KLF12: variants seen among roughly 807,000 people sequenced by gnomAD.
KLF12 encodes KLF transcription factor 12.
KLF12 carries 9 observed loss-of-function variants against 37.8 expected under a neutral mutation model. The ratio of observed to expected loss-of-function variants is 0.24; its 90% CI spans 0.14 to 0.42. KLF12 has a LOEUF of 0.42. KLF12 is among the 10% of genes least tolerant of loss of function. The probability of loss-of-function intolerance (pLI) is 1.00; values close to 1 mark genes in which losing one functional copy is unlikely to be tolerated. For missense variants in KLF12, 411 were observed against 516.0 expected (o/e 0.80, Z 1.97); for synonymous variants, 208 against 202.1 (o/e 1.03, Z -0.25).
At chr13:73,759,799 G>C (rs1013133165) in intron 6 of KLF12, among the ~76,000 whole-genome samples, 2 of 151,988 alleles carry the variant, frequency 1.3e-5, no homozygotes, top group African/African-American at 2.4e-5. Context: ...CCTTGAAGTT[G>C]GTAATTTGGA....
At chr13:73,712,678 T>G (rs189601328) in intron 7 of KLF12, among the ~76,000 whole-genome samples, 118 of 152,284 alleles carry the variant, frequency 7.7e-4, no homozygotes, top group African/African-American at 2.4e-3. Flanking sequence ...TGTGGCAAAC[T>G]TTATTGCTGT....
the KLF12 span, among the ~76,000 whole-genome samples, chr13:74,234,676 A>G: frequency 2.7e-4 from 41 of 152,250 alleles, no homozygotes; most frequent in East Asian, 4.4e-3. Context: ...GGCTATACAT[A>G]CATTTGGAGA....
In KLF12 at chr13:74,018,705, C is replaced by T. The variant is rs866668550; in HGVS notation, c.-31-23652G>A. Among the ~76,000 whole-genome samples, 16 of 152,192 alleles carry T rather than the reference C, an allele frequency of 1.1e-4. No homozygotes were observed. The Middle Eastern group carries it at 0.01, about 97-fold the overall frequency. ...ATGAATTATTCACTAAGGGGGTGCTCACTACTGTTGAAAAAGTATACAAAA... is the reference window on the plus strand; with the variant it reads ...ATGAATTATTCACTAAGGGGGTGCTTACTACTGTTGAAAAAGTATACAAAA... On this transcript the variant is annotated intron_variant, in intron 1 of 7. Coordinates refer to ENST00000377669, the MANE Select transcript of KLF12 (RefSeq NM_007249.5).
At chr13:73,844,321 T>C (rs923428593) in intron 4 of KLF12, among the ~76,000 whole-genome samples, 3 of 152,198 alleles carry the variant, frequency 2.0e-5, no homozygotes, top group African/African-American at 7.2e-5. Context: ...ATCTGATTTG[T>C]TCAGTTCAAT....
At chr13:74,175,770 A>T in the KLF12 span, among the ~76,000 whole-genome samples, 4 of 152,218 alleles carry the variant, frequency 2.6e-5, no homozygotes, top group African/African-American at 9.6e-5. Context: ...GAGGGCTAAC[A>T]TTAGCTGTCC....
chr13:74,036,976 C>T (rs2138514931), intron 1 of KLF12, among the ~76,000 whole-genome samples: 1 of 152,218 alleles, frequency 6.6e-6, no homozygotes, highest in African/African-American at 2.4e-5. Context: ...GAGGCCGAGG[C>T]AGGTGGATCA....
intron 2 of KLF12, among the ~76,000 whole-genome samples, chr13:73,990,827 T>C (rs1891949129): frequency 6.6e-6 from 1 of 152,184 alleles, no homozygotes; most frequent in Non-Finnish European, 1.5e-5. Flanking sequence ...AAAAATATTC[T>C]TTGTAAGAGA....
At chr13:73,766,413 T>G (rs1879917343) in intron 5 of KLF12, among the ~76,000 whole-genome samples, 1 of 152,182 alleles carries the variant, frequency 6.6e-6, no homozygotes, top group Non-Finnish European at 1.5e-5. Context: ...GCAATAATAG[T>G]ACATAAAAAT....
chr13:74,298,097 A>G, the KLF12 span, among the ~76,000 whole-genome samples: 2 of 152,240 alleles, frequency 1.3e-5, no homozygotes, highest in African/African-American at 4.8e-5. Context: ...CTATTCTGGT[A>G]GCAGAGTCAA....
rs141943243 is a variant in KLF12 at position 73,829,275 on chromosome 13, A to G, written c.671-15988T>C. On this transcript the variant is annotated intron_variant, in intron 4 of 7. Transcript: ENST00000377669. ...CTGAAAAATTGGAGATTAAAATTTAAAAAAGAAATCTTAATTTTTGAATCT... is the reference window on the plus strand; with the variant it reads ...CTGAAAAATTGGAGATTAAAATTTAGAAAAGAAATCTTAATTTTTGAATCT... Among the ~76,000 whole-genome samples the G allele has an allele frequency of 2.4e-3, 359 of 152,342 alleles. 3 individuals are homozygous for G. Among genetic ancestry groups the G allele is most frequent in the African/African-American group, 8.0e-3 (334 of 41,574 alleles).
intron 3 of KLF12, among the ~76,000 whole-genome samples, chr13:73,873,593 T>A (rs767075363): frequency 3.9e-4 from 59 of 152,188 alleles, no homozygotes; most frequent in Non-Finnish European, 7.8e-4. Flanking sequence ...TTTCTCTGTG[T>A]TTATATTGGT....
the KLF12 span, among the ~76,000 whole-genome samples, chr13:74,217,252 C>G: frequency 6.6e-6 from 1 of 151,448 alleles, no homozygotes; most frequent in Non-Finnish European, 1.5e-5. Context: ...AAATAAGAAA[C>G]CCATTCAGAG....
chr13:74,100,303 T>C (rs1363113451), intron 1 of KLF12, among the ~76,000 whole-genome samples: 1 of 152,162 alleles, frequency 6.6e-6, no homozygotes, highest in Non-Finnish European at 1.5e-5. Flanking sequence ...AAAATAAGTA[T>C]GAACTTCCAG....
At chr13:74,157,866 T>C in the KLF12 span, among the ~76,000 whole-genome samples, 1 of 152,218 alleles carries the variant, frequency 6.6e-6, no homozygotes, top group Non-Finnish European at 1.5e-5. Flanking sequence ...GCTGCTCCCA[T>C]GGCATTCATC....
At chr13:74,071,271 T>G (rs968696214) in intron 1 of KLF12, among the ~76,000 whole-genome samples, 6 of 152,178 alleles carry the variant, frequency 3.9e-5, no homozygotes, top group Non-Finnish European at 7.3e-5. Context: ...CAGGAGTATT[T>G]TATTAAAACC....
rs2138436373 is a variant in KLF12 at position 73,813,204 on chromosome 13, T to C, written c.754A>G (p.Ser252Gly). Residue 252 changes from serine to glycine, a missense_variant, in exon 5 of 8, where the codon AGC becomes GGC. Physicochemically the swap from Ser to Gly is moderately conservative, Grantham distance 56. Transcript: ENST00000377669. ...GCCGTAGATCCAGTTTCATTAACGC[T>C]ATCTAAGGTCACATTTGGCAGGTCA... The C allele has an allele frequency of 6.2e-7, 1 of 1,614,082 alleles. No homozygotes were observed. The highest frequency in any genetic ancestry group is 1.6e-4 in the Middle Eastern group (1 of 6,062).
intron 6 of KLF12, among the ~76,000 whole-genome samples, chr13:73,754,783 G>C (rs369882644): frequency 5.9e-5 from 9 of 151,800 alleles, no homozygotes; most frequent in Admixed American, 2.0e-4. Context: ...CTCACCTAGA[G>C]GCAGAAACTA....
intron 5 of KLF12, among the ~76,000 whole-genome samples, chr13:73,808,504 T>C (rs1882764757): frequency 1.3e-5 from 2 of 152,186 alleles, no homozygotes; most frequent in Non-Finnish European, 2.9e-5. Flanking sequence ...TTGTAGCCAC[T>C]AAGCAGCGGT....
chr13:73,912,148 T>G (rs1888599784), intron 3 of KLF12, among the ~76,000 whole-genome samples: 1 of 152,180 alleles, frequency 6.6e-6, no homozygotes, highest in South Asian at 2.1e-4. Context: ...AGTGTTCTTT[T>G]TCTCAGTTCA....
Sources: allele counts gnomAD v4.1 joint callset (sites outside exome capture counted in the v4.1 genomes callset), GRCh38; gene constraint gnomAD v4.1.1; transcripts MANE v1.5; gene names NCBI Gene and HGNC (gene_info 2026-07-23, HGNC 2026-07-21).